Variants in RAP1GDS1 observed in about 807,000 individuals in gnomAD.
RAP1GDS1 encodes the protein Rap1 GTPase-GDP dissociation stimulator 1.
RAP1GDS1 carries 35 observed loss-of-function variants against 71.1 expected under a neutral mutation model. That is an observed-to-expected ratio of 0.49 (90% CI 0.38 to 0.65). RAP1GDS1 has a LOEUF of 0.65. Ranked by LOEUF, RAP1GDS1 falls within the 30% of genes least tolerant of loss-of-function variation. The pLI, the probability that RAP1GDS1 is intolerant of heterozygous loss-of-function variation, is 0.00. For synonymous variants in RAP1GDS1, 229 were observed against 243.1 expected (o/e 0.94, Z 0.54); for missense variants, 663 against 706.1 (o/e 0.94, Z 0.69).
At chr4:98,316,288 T>G (rs10516428) in intron 2 of RAP1GDS1, among the ~76,000 whole-genome samples, 62,472 of 151,312 alleles carry the variant, frequency 0.41, 16,188 homozygotes, top group African/African-American at 0.74. Flanking sequence ...AAGAATAGAG[T>G]TTTCAATGAG....
At position 98,352,459 on chromosome 4, in the gene RAP1GDS1, A is replaced by G. The variant is rs776056939; in HGVS notation, c.236-17A>G. 1.9e-5 allele frequency: 31 copies of G among 1,609,946 alleles called. No individual in the cohort carries two copies. The highest frequency in any genetic ancestry group is 1.1e-4 in the East Asian group (5 of 44,848). ...TGAATCGTTAGATTTTTAATTAAAC[A>G]TGTCTCTTATTTTCAGAGTTTATGC... is the stretch of plus-strand genomic sequence containing the variant. On this transcript the variant is annotated splice_polypyrimidine_tract_variant and intron_variant, in intron 3 of 14. Transcript: ENST00000408927.
intron 2 of RAP1GDS1, among the ~76,000 whole-genome samples, chr4:98,318,846 T>G (rs1231345411): frequency 6.6e-6 from 1 of 152,226 alleles, no homozygotes; most frequent in Non-Finnish European, 1.5e-5. Context: ...GGCATGCAAT[T>G]TAAAACTTAC....
chr4:98,281,794 G>A (rs536430189), intron 1 of RAP1GDS1, among the ~76,000 whole-genome samples: 1 of 152,180 alleles, frequency 6.6e-6, no homozygotes, highest in South Asian at 2.1e-4. Flanking sequence ...TCAATACCTA[G>A]TTTATTGAGA....
intron 4 of RAP1GDS1, among the ~76,000 whole-genome samples, chr4:98,366,434 C>T (rs1408447937): frequency 6.6e-6 from 1 of 152,078 alleles, no homozygotes; most frequent in East Asian, 1.9e-4. Context: ...TTATCAGCAG[C>T]ATGAAAACAA....
At chr4:98,309,630 A>C (rs1388178077) in intron 2 of RAP1GDS1, among the ~76,000 whole-genome samples, 1 of 152,008 alleles carries the variant, frequency 6.6e-6, no homozygotes, top group Non-Finnish European at 1.5e-5. Flanking sequence ...GAATTTGTAG[A>C]AGCACATTAA....
At position 98,442,046 on chromosome 4, in the gene RAP1GDS1, C is replaced by T. The variant is rs773266313; in HGVS notation, c.1753C>T (p.Arg585Cys). The change falls in exon 15 of 15, where the codon CGC (arginine) becomes TGC (cysteine). Residue 585 changes from arginine (R) to cysteine (C), a missense_variant. Coordinates refer to ENST00000408927, the MANE Select transcript of RAP1GDS1 (RefSeq NM_001100427.2). ...LAFLDVVSKL[R>C]SHENKSVAQQ... ...TTTTCTAGATGTCGTATCCAAACTT[C>T]GCAGTCATGAGAACAAAAGTGTTGC... 99 of 1,613,916 alleles carry T rather than the reference C, an allele frequency of 6.1e-5. No individual in the cohort carries two copies. Among genetic ancestry groups the T allele is most frequent in the Non-Finnish European group, 7.9e-5 (93 of 1,180,006 alleles).
chr4:98,287,180 A>T (rs919028), intron 1 of RAP1GDS1, among the ~76,000 whole-genome samples: 10,340 of 152,212 alleles, frequency 0.068, 393 homozygotes, highest in Admixed American at 0.13. Flanking sequence ...GGAATTTTCA[A>T]TCTAATAGTA....
At chr4:98,271,714 A>G (rs1241879199) in intron 1 of RAP1GDS1, among the ~76,000 whole-genome samples, 2 of 152,174 alleles carry the variant, frequency 1.3e-5, no homozygotes, top group Admixed American at 6.5e-5. Context: ...GGGGCTGTAT[A>G]CCATTGAGTT....
At chr4:98,387,416 A>C (rs926519015) in intron 5 of RAP1GDS1, 1 of 455,816 alleles carries the variant, frequency 2.2e-6, no homozygotes. Context: ...AGGTTCCTCA[A>C]CTTGAGATCT....
chr4:98,401,978 T>C (rs1012402819), intron 6 of RAP1GDS1, among the ~76,000 whole-genome samples: 1 of 152,198 alleles, frequency 6.6e-6, no homozygotes, highest in Non-Finnish European at 1.5e-5. Flanking sequence ...ACCTATGATT[T>C]TATGTTTTTG....
In RAP1GDS1 at chr4:98,443,015, A is replaced by ATTTTTTTTTTTTTTTTTTTT. The variant is rs397994660; in HGVS notation, c.*902_*921dup. On this transcript the variant is annotated 3_prime_UTR_variant, in exon 15 of 15. Transcript: ENST00000408927. ...TGAGTATAGTTCATTGAAGAATGGAATTTTTTTTTTTTTTTTTTTTTTTGC... is the reference window on the plus strand; with the variant it reads ...TGAGTATAGTTCATTGAAGAATGGAATTTTTTTTTTTTTTTTTTTTTTTTTTTTTTTTTTTTTTTTTTTGC... 22 of 138,292 alleles carry ATTTTTTTTTTTTTTTTTTTT rather than the reference A, an allele frequency of 1.6e-4. No homozygotes were observed. The highest frequency in any genetic ancestry group is 5.8e-4 in the Admixed American group (6 of 10,408). The allele number at this position is 138,292 out of a possible 1,614,324, so 8.6% of individuals were successfully genotyped here. A position where few individuals can be genotyped will look rare whatever the true frequency, so the allele number is the denominator to read the frequency against.
intron 2 of RAP1GDS1, among the ~76,000 whole-genome samples, chr4:98,339,591 AT>A (rs1239657102): frequency 6.6e-6 from 1 of 151,712 alleles, no homozygotes; most frequent in African/African-American, 2.4e-5. Context: ...ACAAGTAGCC[AT>A]TCATTTGGAC....
At chr4:98,333,792 C>T (rs1734327540) in intron 2 of RAP1GDS1, among the ~76,000 whole-genome samples, 1 of 151,984 alleles carries the variant, frequency 6.6e-6, no homozygotes, top group African/African-American at 2.4e-5. Context: ...AGGCATTCAC[C>T]TAAGTAAGAA....
intron 2 of RAP1GDS1, among the ~76,000 whole-genome samples, chr4:98,331,308 G>T (rs1025843668): frequency 6.6e-6 from 1 of 151,302 alleles, no homozygotes; most frequent in African/African-American, 2.4e-5. Flanking sequence ...ACGAAGGAGA[G>T]GGGGAGACCG....
intron 14 of RAP1GDS1, chr4:98,441,754 A>G: frequency 1.8e-6 from 1 of 550,744 alleles, no homozygotes; most frequent in African/African-American, 2.1e-5. Flanking sequence ...GCAGCAGAGC[A>G]AGTCCCCATC....
chr4:98,375,626 T>A (rs995969890), intron 4 of RAP1GDS1, among the ~76,000 whole-genome samples: 1 of 152,194 alleles, frequency 6.6e-6, no homozygotes, highest in Non-Finnish European at 1.5e-5. Context: ...AATTTAAAGA[T>A]GCAAGTGACA....
chr4:98,289,570 A>AG (rs1726604822), intron 1 of RAP1GDS1, among the ~76,000 whole-genome samples: 1 of 151,338 alleles, frequency 6.6e-6, no homozygotes, highest in African/African-American at 2.4e-5. Context: ...AAAAAAAAAA[A>AG]AAAAAGAAAG....
chr4:98,366,028 C>T (rs1410473143), intron 4 of RAP1GDS1, among the ~76,000 whole-genome samples: 1 of 152,110 alleles, frequency 6.6e-6, no homozygotes. Context: ...GAAGTAAATA[C>T]AAGTGGTGGT....
At chr4:98,297,671 C>A (rs998424789) in intron 2 of RAP1GDS1, among the ~76,000 whole-genome samples, 1 of 152,152 alleles carries the variant, frequency 6.6e-6, no homozygotes, top group African/African-American at 2.4e-5. Context: ...TGCCGTACCC[C>A]CTACTCCCCA....
Sources: allele counts gnomAD v4.1 joint callset (sites outside exome capture counted in the v4.1 genomes callset), GRCh38; gene constraint gnomAD v4.1.1; transcripts MANE v1.5; gene names NCBI Gene and HGNC (gene_info 2026-07-23, HGNC 2026-07-21).